Variants in CDH13 observed in about 807,000 individuals in gnomAD.
CDH13 encodes the protein cadherin 13, also known as cadherin-13.
CDH13 carries 24 observed loss-of-function variants against 63.8 expected under a neutral mutation model. That is an observed-to-expected ratio of 0.38 (90% CI 0.27 to 0.53). The LOEUF (loss-of-function observed/expected upper bound fraction) is 0.53, where lower values mean the gene tolerates loss of function less well. CDH13 is among the 20% of genes least tolerant of loss of function. The pLI is 0.85. For synonymous variants in CDH13, 503 were observed against 355.3 expected, an observed-to-expected ratio of 1.42 and a Z score of -4.67; for missense variants, 1,049 against 903.1, an observed-to-expected ratio of 1.16 and a Z score of -2.07.
Position 83,217,548 on chromosome 16 carries a change from A to G in CDH13, c.636+51A>G. On this transcript the variant is annotated intron_variant, in intron 5 of 13. Transcript: ENST00000567109. ...CCTGTGCGCAGAAATGTGGCTTTCA[A>G]AGATTGTTTTCTTCCCACTGAGCTC... 4 of 1,570,848 alleles carry G rather than the reference A, an allele frequency of 2.5e-6. No homozygotes were observed. The South Asian group carries it at 4.6e-5, about 18-fold the overall frequency.
chr16:83,563,916 G>A (rs1214768921), intron 7 of CDH13, among the ~76,000 whole-genome samples: 2 of 152,092 alleles, frequency 1.3e-5, no homozygotes, highest in Non-Finnish European at 2.9e-5. Context: ...TGCACATCCT[G>A]GAATCTGAGA....
intron 3 of CDH13, among the ~76,000 whole-genome samples, chr16:83,121,214 G>C (rs891706732): frequency 6.6e-6 from 1 of 152,142 alleles, no homozygotes; most frequent in Non-Finnish European, 1.5e-5. Flanking sequence ...AGAGACTAAA[G>C]TGTCTCTTAC....
chr16:83,295,857 C>G (rs11642338), intron 5 of CDH13, among the ~76,000 whole-genome samples: 1 of 152,172 alleles, frequency 6.6e-6, no homozygotes, highest in African/African-American at 2.4e-5. Flanking sequence ...GTCAAAGAGA[C>G]GTCTGCACTT....
intron 4 of CDH13, among the ~76,000 whole-genome samples, chr16:83,146,210 AG>A (rs200952317): frequency 4.7e-5 from 7 of 148,828 alleles, no homozygotes; most frequent in African/African-American, 1.7e-4. Context: ...AAAAAAAAAA[AG>A]AAAAGAAAAG....
rs188771494 is a variant in CDH13, at chr16:83,360,996, C to G, written c.781+15990C>G. Among the ~76,000 whole-genome samples the G allele has an allele frequency of 9.9e-5, 15 of 152,198 alleles. No homozygotes were observed. The East Asian group carries it at 2.5e-3, about 25-fold the overall frequency. ...GGAATGAGATTGCTTGTTTTAAGTG[C>G]TTTGAGAAATTGCCAAACTGCTTTC... On this transcript the variant is annotated intron_variant, in intron 6 of 13. Coordinates refer to ENST00000567109, the MANE Select transcript of CDH13 (RefSeq NM_001257.5).
chr16:83,350,013 G>A (rs991478344), intron 6 of CDH13, among the ~76,000 whole-genome samples: 13 of 152,110 alleles, frequency 8.5e-5, no homozygotes, highest in African/African-American at 3.1e-4. Context: ...TCAGCTAAGG[G>A]GCAGGTAGCT....
chr16:82,843,498 C>T (rs1230659176), intron 1 of CDH13, among the ~76,000 whole-genome samples: 2 of 152,150 alleles, frequency 1.3e-5, no homozygotes, highest in Admixed American at 1.3e-4. Context: ...ATAATCAGTT[C>T]CTTGCTTTCC....
chr16:83,009,983 A>C (rs567076631), intron 2 of CDH13, among the ~76,000 whole-genome samples: 1 of 151,916 alleles, frequency 6.6e-6, no homozygotes, highest in Non-Finnish European at 1.5e-5. Context: ...AAAATACAAA[A>C]AATTAGCTGG....
At chr16:82,779,090 A>G (rs576763542) in intron 1 of CDH13, among the ~76,000 whole-genome samples, 1 of 152,332 alleles carries the variant, frequency 6.6e-6, no homozygotes, top group South Asian at 2.1e-4. Context: ...AGAAGGGTAA[A>G]GCTTGAGTAA....
intron 4 of CDH13, among the ~76,000 whole-genome samples, chr16:83,128,361 C>G (rs1273748521): frequency 2.6e-5 from 4 of 152,200 alleles, no homozygotes; most frequent in African/African-American, 9.6e-5. Flanking sequence ...CACCCCAAAA[C>G]CACTGAGCCA....
At chr16:83,059,793 G>GTTTTTTTTTTTTTTTT (rs66521965) in intron 3 of CDH13, among the ~76,000 whole-genome samples, 41 of 113,026 alleles carry the variant, frequency 3.6e-4, no homozygotes, top group Non-Finnish European at 5.4e-4. Context: ...TTTTTTGTTT[G>GTTTTTTTTTTTTTTTT]TTTTTTTTTT....
chr16:83,662,729 A>T (rs188053736), intron 8 of CDH13, among the ~76,000 whole-genome samples: 44 of 152,362 alleles, frequency 2.9e-4, no homozygotes, highest in African/African-American at 1.1e-3. Flanking sequence ...CATCAAAGGG[A>T]CCACTCACCT....
chr16:83,774,643 G>A (rs926316274), intron 11 of CDH13, among the ~76,000 whole-genome samples: 3 of 152,158 alleles, frequency 2.0e-5, no homozygotes, highest in African/African-American at 7.2e-5. Context: ...CAGAGTGCTA[G>A]GATTATAGAC....
chr16:82,677,325 G>T (rs1263577700), intron 1 of CDH13, among the ~76,000 whole-genome samples: 1 of 151,706 alleles, frequency 6.6e-6, no homozygotes. Flanking sequence ...TCCCTCTTCT[G>T]TTTTATACCT....
chr16:83,780,573 T>C (rs1206656812), intron 12 of CDH13, among the ~76,000 whole-genome samples: 1 of 152,218 alleles, frequency 6.6e-6, no homozygotes, highest in African/African-American at 2.4e-5. Context: ...ATACATTGCA[T>C]AGTGGTGAAA....
At chr16:83,460,235 C>G (rs911810526) in intron 6 of CDH13, among the ~76,000 whole-genome samples, 1 of 152,188 alleles carries the variant, frequency 6.6e-6, no homozygotes, top group Non-Finnish European at 1.5e-5. Flanking sequence ...AATATTAAGC[C>G]TAGAAATGCC....
intron 2 of CDH13, among the ~76,000 whole-genome samples, chr16:82,946,038 A>G (rs1488627310): frequency 6.6e-6 from 1 of 152,096 alleles, no homozygotes. Context: ...CTGGCGTCTT[A>G]TAACTTTATA....
At chr16:83,387,578 T>A (rs2091699610) in intron 6 of CDH13, among the ~76,000 whole-genome samples, 1 of 152,186 alleles carries the variant, frequency 6.6e-6, no homozygotes, top group Non-Finnish European at 1.5e-5. Context: ...ATCAAAGAGC[T>A]GAAAAAATGT....
At chr16:82,670,799 G>A (rs9934860) in intron 1 of CDH13, among the ~76,000 whole-genome samples, 2,023 of 152,320 alleles carry the variant, frequency 0.013, 35 homozygotes, top group African/African-American at 0.042. Flanking sequence ...TGAGCATAAT[G>A]TTGCATATCA....
Sources: gnomAD v4.1 joint callset for allele counts (sites outside exome capture counted in the v4.1 genomes callset) on GRCh38, gnomAD v4.1.1 for gene constraint, MANE v1.5 for transcripts, NCBI Gene and HGNC (gene_info 2026-07-23, HGNC 2026-07-21) for gene names.